GNAL: variants seen among roughly 807,000 people sequenced by gnomAD.
The protein encoded by GNAL is guanine nucleotide-binding protein G(olf) subunit alpha.
GNAL carries 18 observed loss-of-function variants against 55.1 expected under a neutral mutation model. The observed-to-expected ratio is 0.33, with a 90% confidence interval of 0.23 to 0.48. GNAL has a LOEUF of 0.48. Among genes scored for constraint, GNAL ranks in the 20% least tolerant of loss-of-function variants. The pLI, the probability that GNAL is intolerant of heterozygous loss-of-function variation, is 0.99. For synonymous variants in GNAL, 253 were observed against 237.0 expected (o/e 1.07, Z -0.62); for missense variants, 412 against 614.1 (o/e 0.67, Z 3.48).
intron 4 of GNAL, among the ~76,000 whole-genome samples, chr18:11,778,884 G>A (rs972750705): frequency 1.3e-5 from 2 of 152,020 alleles, no homozygotes; most frequent in African/African-American, 4.8e-5. Flanking sequence ...TTTCAAGGGT[G>A]AAAATTACTA....
intron 4 of GNAL, chr18:11,810,633 T>C (rs12959685): frequency 6.6e-6 from 1 of 152,294 alleles, no homozygotes; most frequent in Admixed American, 6.5e-5. Context: ...TAGCATCCCC[T>C]TACCCCACAG....
At chr18:11,779,716 G>A (rs533907643) in intron 4 of GNAL, among the ~76,000 whole-genome samples, 1 of 152,318 alleles carries the variant, frequency 6.6e-6, no homozygotes, top group South Asian at 2.1e-4. Flanking sequence ...CCCCTAGGCT[G>A]GGGGTAGTCT....
intron 4 of GNAL, among the ~76,000 whole-genome samples, chr18:11,770,952 A>C (rs28688137): frequency 0.2 from 30,343 of 152,060 alleles, 7,369 homozygotes; most frequent in African/African-American, 0.58. Context: ...CGGTGGCTCA[A>C]GCCTGTAATC....
chr18:11,788,956 G>A (rs1210831041), intron 4 of GNAL, among the ~76,000 whole-genome samples: 3 of 125,122 alleles, frequency 2.4e-5, no homozygotes, highest in African/African-American at 9.1e-5. Flanking sequence ...TATCAAAAGT[G>A]TTTTTTCTTA....
chr18:11,742,452 T>C (rs533779245), intron 1 of GNAL, among the ~76,000 whole-genome samples: 190 of 152,346 alleles, frequency 1.2e-3, no homozygotes, highest in African/African-American at 4.4e-3. Context: ...CCCTCACCCA[T>C]GCACTGAGAA....
chr18:11,781,168 A>G (rs2033916502), intron 4 of GNAL, among the ~76,000 whole-genome samples: 2 of 152,208 alleles, frequency 1.3e-5, no homozygotes, highest in Non-Finnish European at 2.9e-5. Flanking sequence ...TTAAATCTAC[A>G]TTTACACTTA....
At position 11,850,670 on chromosome 18, in the gene GNAL, A is replaced by G. The variant is rs890752880; in HGVS notation, c.723-11725A>G. On this transcript the variant is annotated intron_variant, in intron 5 of 11. Transcript: ENST00000334049. The stretch of plus-strand genomic sequence containing the variant: ...CTTAAATGTGAGTGAAGTTCCTTGG[A>G]TATTTATAAAACATCAAAAAGACAG... Among the ~76,000 whole-genome samples, 8 of 152,212 alleles carry G rather than the reference A, an allele frequency of 5.3e-5. 1 individual carries two copies. The highest frequency in any genetic ancestry group is 3.9e-4 in the Admixed American group (6 of 15,274).
At chr18:11,791,981 A>G (rs1472164115) in intron 4 of GNAL, among the ~76,000 whole-genome samples, 1 of 152,054 alleles carries the variant, frequency 6.6e-6, no homozygotes, top group Non-Finnish European at 1.5e-5. Flanking sequence ...GATTATGACT[A>G]TTGTCATTTC....
At chr18:11,733,765 G>A (rs1266260555) in intron 1 of GNAL, among the ~76,000 whole-genome samples, 1 of 151,944 alleles carries the variant, frequency 6.6e-6, no homozygotes, top group Non-Finnish European at 1.5e-5. Context: ...GTGAGGGAGG[G>A]AGGGACGATT....
chr18:11,752,838 TC>T lies in GNAL; in HGVS notation c.377-14del, dbSNP rs1353747702. ...TCCGGACACAGATCACAGCGTTCTT[TC>T]TGTTTGTTTGCAGGGGCTGGTGAGT... On this transcript the variant is annotated splice_polypyrimidine_tract_variant and intron_variant, in intron 1 of 11. Transcript: ENST00000334049. The surrounding 1 kb of genome is among the most constrained non-coding windows in gnomAD (Gnocchi z 4.5). 6.3e-7 allele frequency: 1 copy of T among 1,584,672 alleles called. No individual in the cohort carries two copies. Among genetic ancestry groups the T allele is most frequent in the Non-Finnish European group, 8.7e-7 (1 of 1,153,556 alleles).
chr18:11,728,043 A>G (rs112833346), intron 1 of GNAL, among the ~76,000 whole-genome samples: 85 of 152,250 alleles, frequency 5.6e-4, no homozygotes, highest in Admixed American at 3.8e-3. Context: ...CCTGGGCAAC[A>G]TAGGCAGAGT....
chr18:11,690,654 C>A lies in GNAL; in HGVS notation c.376+715C>A, dbSNP rs1473759513. 3.6e-5 allele frequency among the ~76,000 whole-genome samples: 5 copies of A among 139,722 alleles called. No individual in the cohort carries two copies. The South Asian group carries it at 1.2e-3, about 33-fold the overall frequency. 91.7% of individuals were successfully genotyped at this position (139,722 alleles called of 152,430 possible). A position where few individuals can be genotyped will look rare whatever the true frequency, so the allele number is the denominator to read the frequency against. On this transcript the variant is annotated intron_variant, in intron 1 of 11. Transcript: ENST00000334049. ...TCCCCAGAGTGTGATGTTCCCCTTC[C>A]TGTGTCCATGTGTTCTCATTGTTCA... is the stretch of plus-strand genomic sequence containing the variant.
intron 5 of GNAL, chr18:11,851,928 G>C: frequency 6.2e-7 from 1 of 1,613,834 alleles, no homozygotes; most frequent in South Asian, 1.1e-5. Context: ...TGAGCAGCAC[G>C]ACGACGCTCA....
At chr18:11,737,752 G>A (rs920297782) in intron 1 of GNAL, among the ~76,000 whole-genome samples, 1 of 152,234 alleles carries the variant, frequency 6.6e-6, no homozygotes, top group African/African-American at 2.4e-5. Flanking sequence ...TGGGCACAGG[G>A]ACATATCAGC....
chr18:11,719,256 G>A (rs537868303), intron 1 of GNAL, among the ~76,000 whole-genome samples: 117 of 151,822 alleles, frequency 7.7e-4, no homozygotes, highest in African/African-American at 2.8e-3. Context: ...GTCACGTGAT[G>A]GTTGAGGATT....
chr18:11,756,002 C>T (rs752492208), intron 4 of GNAL, among the ~76,000 whole-genome samples: 1 of 152,176 alleles, frequency 6.6e-6, no homozygotes, highest in Non-Finnish European at 1.5e-5. Context: ...TCATGTTTGC[C>T]TAGAAGTAAT....
At chr18:11,849,501 CAAAA>C (rs71172025) in intron 5 of GNAL, among the ~76,000 whole-genome samples, 2 of 130,478 alleles carry the variant, frequency 1.5e-5, no homozygotes, top group Middle Eastern at 3.6e-3. Flanking sequence ...GATTTCATCT[CAAAA>C]AAAAAAAAAA....
In GNAL at chr18:11,752,423, A is replaced by T; in HGVS notation, c.377-430A>T. On this transcript the variant is annotated intron_variant, in intron 1 of 11. Transcript: ENST00000334049. This position sits in a 1 kb window ranked among gnomAD's most constrained non-coding sequence, Gnocchi z 4.5. Reference sequence around the variant, plus strand: ...TTCCTAACTTCCTGACGTCCATCCCAGCGGGCAGGCATGGGGTGTTTGGGC... The same window carrying T: ...TTCCTAACTTCCTGACGTCCATCCCTGCGGGCAGGCATGGGGTGTTTGGGC... 6.2e-7 allele frequency: 1 copy of T among 1,600,870 alleles called. No individual in the cohort carries two copies. The highest frequency in any genetic ancestry group is 8.5e-7 in the Non-Finnish European group (1 of 1,174,896).
Position 11,881,167 on chromosome 18 carries a change from GC to G in GNAL, c.*36del. 1 of 1,567,594 alleles carries G rather than the reference GC, an allele frequency of 6.4e-7. No individual in the cohort carries two copies. The highest frequency in any genetic ancestry group is 8.7e-7 in the Non-Finnish European group (1 of 1,152,610). ...TGCCGCCACCCTGCGACGGAGCGGCGCCCCGGACTGCCTGACTGCCAGCCCC... is the reference window on the plus strand; with the variant it reads ...TGCCGCCACCCTGCGACGGAGCGGCGCCCGGACTGCCTGACTGCCAGCCCC... On this transcript the variant is annotated 3_prime_UTR_variant, in exon 12 of 12. Coordinates refer to ENST00000334049, the MANE Select transcript of GNAL (RefSeq NM_182978.4). The surrounding 1 kb of genome is among the most constrained non-coding windows in gnomAD (Gnocchi z 4.8).
Sources: gnomAD v4.1 joint callset for allele counts (sites outside exome capture counted in the v4.1 genomes callset) on GRCh38, gnomAD v4.1.1 for gene constraint, Gnocchi (gnomAD v3.1) non-coding constraint, MANE v1.5 for transcripts, NCBI Gene and HGNC (gene_info 2026-07-23, HGNC 2026-07-21) for gene names.